Variants in FGF12 observed in about 807,000 individuals in gnomAD.
FGF12 encodes fibroblast growth factor 12B.
Under a neutral mutation model 23.6 loss-of-function variants are expected in FGF12, and 14 were observed. That is an observed-to-expected ratio of 0.59 (90% CI 0.39 to 0.93). The LOEUF is 0.93. FGF12 is among the 40% of genes least tolerant of loss of function. The pLI is 0.00. For missense variants in FGF12, 175 were observed against 217.8 expected, an observed-to-expected ratio of 0.80 and a Z score of 1.24; for synonymous variants, 62 against 77.3, an observed-to-expected ratio of 0.80 and a Z score of 1.04.
intron 4 of FGF12, among the ~76,000 whole-genome samples, chr3:192,192,749 T>C (rs771689084): frequency 6.6e-6 from 1 of 152,114 alleles, no homozygotes; most frequent in Non-Finnish European, 1.5e-5. Context: ...TTTAATTCTA[T>C]ATTGTTGCAT....
intron 2 of FGF12, among the ~76,000 whole-genome samples, chr3:192,441,028 C>G (rs938320886): frequency 2.6e-5 from 4 of 152,188 alleles, no homozygotes; most frequent in Non-Finnish European, 4.4e-5. Context: ...TTCCCAATCC[C>G]TAACACTGTT....
chr3:192,692,190 G>C (rs1444244057), intron 2 of FGF12, among the ~76,000 whole-genome samples: 1 of 152,030 alleles, frequency 6.6e-6, no homozygotes. Context: ...CTGATATGAA[G>C]GCCGGAAAAA....
chr3:192,155,152 A>G (rs1714319886), intron 5 of FGF12, among the ~76,000 whole-genome samples: 1 of 151,900 alleles, frequency 6.6e-6, no homozygotes, highest in Non-Finnish European at 1.5e-5. Flanking sequence ...AGGTGAGGCA[A>G]TGCCTCGCCC....
intron 2 of FGF12, among the ~76,000 whole-genome samples, chr3:192,420,290 G>C (rs926129620): frequency 2.7e-5 from 4 of 150,788 alleles, no homozygotes; most frequent in African/African-American, 4.8e-5. Context: ...ATATTAGAGA[G>C]TGTGAAAAGG....
chr3:192,236,368 C>T (rs910875539), intron 4 of FGF12, among the ~76,000 whole-genome samples: 10 of 151,998 alleles, frequency 6.6e-5, no homozygotes, highest in African/African-American at 2.4e-4. Context: ...TAGATGTCTC[C>T]GAATTCCATT....
chr3:192,194,939 C>G (rs116000314), intron 4 of FGF12, among the ~76,000 whole-genome samples: 2,345 of 152,234 alleles, frequency 0.015, 64 homozygotes, highest in African/African-American at 0.054. Context: ...GGTCAGATAT[C>G]GTGCAAAGGG....
intron 2 of FGF12, among the ~76,000 whole-genome samples, chr3:192,535,091 A>C (rs1577041209): frequency 6.6e-6 from 1 of 152,196 alleles, no homozygotes; most frequent in Non-Finnish European, 1.5e-5. Flanking sequence ...AATGAAAAAA[A>C]TTCTTCCTGA....
At chr3:192,162,329 A>G (rs777874402) in intron 5 of FGF12, among the ~76,000 whole-genome samples, 4 of 152,122 alleles carry the variant, frequency 2.6e-5, no homozygotes, top group Non-Finnish European at 5.9e-5. Context: ...ACTGTGCTAT[A>G]CATATTTACT....
At chr3:192,178,828 C>T (rs1423128272) in intron 4 of FGF12, among the ~76,000 whole-genome samples, 2 of 152,122 alleles carry the variant, frequency 1.3e-5, no homozygotes, top group African/African-American at 4.8e-5. Context: ...TAACCACCTT[C>T]TCTGTTTGCT....
chr3:192,205,330 C>T (rs546194325), intron 4 of FGF12, among the ~76,000 whole-genome samples: 1 of 152,118 alleles, frequency 6.6e-6, no homozygotes, highest in Non-Finnish European at 1.5e-5. Context: ...TAAAGAAATA[C>T]CGCCAACTAC....
chr3:192,168,397 A>G (rs1715348657), intron 5 of FGF12, among the ~76,000 whole-genome samples: 1 of 152,114 alleles, frequency 6.6e-6, no homozygotes, highest in Non-Finnish European at 1.5e-5. Context: ...CTGCACCTGG[A>G]ATGTTTTTGT....
chr3:192,168,615 T>C (rs550021620), intron 5 of FGF12, among the ~76,000 whole-genome samples: 167 of 152,348 alleles, frequency 1.1e-3, no homozygotes, highest in African/African-American at 3.9e-3. Flanking sequence ...AAGAATATCA[T>C]AAAGTTCTCT....
chr3:192,673,560 T>C (rs1229975529), intron 2 of FGF12, among the ~76,000 whole-genome samples: 1 of 150,656 alleles, frequency 6.6e-6, no homozygotes, highest in Non-Finnish European at 1.5e-5. Flanking sequence ...CCTGACAGGC[T>C]CCAGTGTGTG....
At chr3:192,227,614 A>T (rs1036248192) in intron 4 of FGF12, among the ~76,000 whole-genome samples, 1 of 151,636 alleles carries the variant, frequency 6.6e-6, no homozygotes, top group Admixed American at 6.6e-5. Flanking sequence ...AAGAAAAAAA[A>T]TTTCTATCAC....
chr3:192,306,697 G>T (rs1365519630), intron 4 of FGF12, among the ~76,000 whole-genome samples: 2 of 152,188 alleles, frequency 1.3e-5, no homozygotes, highest in Non-Finnish European at 2.9e-5. Context: ...GTCGACAATG[G>T]TTTGTCATCA....
intron 5 of FGF12, among the ~76,000 whole-genome samples, chr3:192,164,997 G>A (rs1715082296): frequency 1.3e-5 from 2 of 151,924 alleles, no homozygotes; most frequent in Admixed American, 6.6e-5. Flanking sequence ...TGTTGACCAG[G>A]CTGGAGTGTA....
chr3:192,681,672 C>T (rs745416325), intron 2 of FGF12, among the ~76,000 whole-genome samples: 1 of 152,098 alleles, frequency 6.6e-6, no homozygotes, highest in African/African-American at 2.4e-5. Context: ...TCTATTTTTT[C>T]CTTTCCCAAA....
chr3:192,465,818 G>C (rs1469759423), intron 2 of FGF12, among the ~76,000 whole-genome samples: 2 of 152,104 alleles, frequency 1.3e-5, no homozygotes, highest in African/African-American at 2.4e-5. Context: ...CTGAAGAAAA[G>C]AGCACCCTCA....
chr3:192,147,955 GA>G (rs1255786152), intron 5 of FGF12, among the ~76,000 whole-genome samples: 1 of 151,996 alleles, frequency 6.6e-6, no homozygotes, highest in Non-Finnish European at 1.5e-5. Flanking sequence ...AATCAAAAAA[GA>G]AAGTAACAAG....
Sources: gnomAD v4.1 joint callset for allele counts (sites outside exome capture counted in the v4.1 genomes callset) on GRCh38, gnomAD v4.1.1 for gene constraint, MANE v1.5 for transcripts, NCBI Gene and HGNC (gene_info 2026-07-23, HGNC 2026-07-21) for gene names.